CNKSR2: variants seen among roughly 807,000 people sequenced by gnomAD.
CNKSR2 encodes the protein connector enhancer of kinase suppressor of Ras 2.
Under a neutral mutation model 84.4 loss-of-function variants are expected in CNKSR2, and 14 were observed. The observed-to-expected ratio is 0.17, with a 90% CI of 0.11 to 0.26. The LOEUF (loss-of-function observed/expected upper bound fraction) is 0.26. CNKSR2 is among the 10% of genes least tolerant of loss of function. CNKSR2 has a pLI of 1.00. For missense variants in CNKSR2, 485 were observed against 771.2 expected (o/e 0.63, Z 4.40); for synonymous variants, 275 against 277.9 (o/e 0.99, Z 0.10).
intron 5 of CNKSR2, 97 bp from the exon 6 acceptor site, chrX:21,490,362 G>A: frequency 1.1e-6 from 1 of 877,677 alleles, no homozygotes. Flanking sequence ...TTCTTCTACT[G>A]TTTATTTTTC....
chrX:21,466,291 A>G (rs763273696), intron 4 of CNKSR2, among the ~76,000 whole-genome samples: 1 of 111,487 alleles, frequency 9.0e-6, no homozygotes, highest in African/African-American at 3.3e-5. Flanking sequence ...TCCATATGCA[A>G]TGCTATTTTC....
chrX:21,466,826 C>T (rs542721065), intron 4 of CNKSR2, among the ~76,000 whole-genome samples: 1 of 111,373 alleles, frequency 9.0e-6, no homozygotes, highest in Non-Finnish European at 1.9e-5. Flanking sequence ...CTCAAGCGAT[C>T]CGCCCACCTA....
At chrX:21,623,586 C>T (rs1182697291) in intron 20 of CNKSR2, among the ~76,000 whole-genome samples, 1 of 111,647 alleles carries the variant, frequency 9.0e-6, no homozygotes, top group African/African-American at 3.3e-5. Context: ...ATATACCTCT[C>T]CCAACTGAAT....
intron 17 of CNKSR2, among the ~76,000 whole-genome samples, chrX:21,600,278 G>C (rs1457215022): frequency 8.9e-6 from 1 of 111,998 alleles, no homozygotes; most frequent in Admixed American, 9.5e-5. Flanking sequence ...TCACTTGACA[G>C]GGAAGATAAA....
chrX:21,569,709 T>C (rs1416621025), intron 13 of CNKSR2, among the ~76,000 whole-genome samples: 2 of 112,206 alleles, frequency 1.8e-5, no homozygotes, highest in Admixed American at 1.9e-4. Flanking sequence ...ATGGCAGCTA[T>C]AGCCTTACAA....
chrX:21,386,914 T>G (rs2089978103), intron 1 of CNKSR2, among the ~76,000 whole-genome samples: 1 of 112,255 alleles, frequency 8.9e-6, no homozygotes, highest in Non-Finnish European at 1.9e-5. Context: ...AAATTGCTCA[T>G]TATCCTTTAA....
chrX:21,642,404 T>A, intron 20 of CNKSR2: 1 of 752,725 alleles, frequency 1.3e-6, no homozygotes. Context: ...AGGCTGTGGG[T>A]TTCATTTTTG....
At chrX:21,614,978 A>G (rs1019693002) in intron 20 of CNKSR2, among the ~76,000 whole-genome samples, 5 of 112,134 alleles carry the variant, frequency 4.5e-5, no homozygotes, top group Non-Finnish European at 9.4e-5. Context: ...GCAGACTTAT[A>G]CCCAGATTTC....
At chrX:21,651,647 C>T (rs2092721151) in intron 21 of CNKSR2, among the ~76,000 whole-genome samples, 1 of 111,697 alleles carries the variant, frequency 9.0e-6, no homozygotes, top group Non-Finnish European at 1.9e-5. Context: ...CCACCTTCCA[C>T]CTGGGAAATT....
chrX:21,385,775 C>T (rs1036716507), intron 1 of CNKSR2, among the ~76,000 whole-genome samples: 2 of 111,252 alleles, frequency 1.8e-5, no homozygotes, highest in African/African-American at 6.5e-5. Context: ...TGTGTATGTC[C>T]TCTCCATCAG....
At chrX:21,455,804 C>T (rs1313995759) in intron 4 of CNKSR2, among the ~76,000 whole-genome samples, 1 of 112,144 alleles carries the variant, frequency 8.9e-6, no homozygotes, top group African/African-American at 3.2e-5. Flanking sequence ...AATTCATATT[C>T]TAGTAAGAAC....
chrX:21,409,919 A>G (rs1352475941), intron 1 of CNKSR2, among the ~76,000 whole-genome samples: 1 of 111,176 alleles, frequency 9.0e-6, no homozygotes, highest in Admixed American at 9.6e-5. Context: ...TTGTCTATAG[A>G]TGTCTGAGAA....
At chrX:21,636,824 CACCCATTAA>C (rs1016371783) in intron 20 of CNKSR2, among the ~76,000 whole-genome samples, 2 of 110,516 alleles carry the variant, frequency 1.8e-5, no homozygotes, top group African/African-American at 6.6e-5. Context: ...CACCCATAGG[CACCCATTAA>C]ACCTTTACTG....
intron 11 of CNKSR2, among the ~76,000 whole-genome samples, chrX:21,544,647 A>G (rs2092005832): frequency 9.0e-6 from 1 of 111,639 alleles, no homozygotes; most frequent in Admixed American, 9.4e-5. Flanking sequence ...AGAGGGATCA[A>G]TGCAGAAGGT....
intron 2 of CNKSR2, chrX:21,427,228 A>G (rs2090577432): frequency 8.9e-6 from 1 of 112,001 alleles, no homozygotes; most frequent in Non-Finnish European, 1.9e-5. Context: ...TCATTATGTG[A>G]TTGAGCTCTT....
At position 21,374,662 on chromosome X, in the gene CNKSR2, A is replaced by C. The variant is rs1187915184; in HGVS notation, c.-236A>C. The C allele has an allele frequency of 3.9e-6, 2 of 513,524 alleles. No individual in the cohort carries two copies. The highest frequency in any genetic ancestry group is 6.9e-6 in the Non-Finnish European group (2 of 289,856). 42.3% of individuals were successfully genotyped at this position (513,524 alleles called of 1,213,427 possible). A position where few individuals can be genotyped will look rare whatever the true frequency, so the allele number is the denominator to read the frequency against. ...GCCGCCGCCGCCTTAGCGGGAACTGAGCAGACCCGGCGCGGAGCCACGACT... is the reference window on the plus strand; with the variant it reads ...GCCGCCGCCGCCTTAGCGGGAACTGCGCAGACCCGGCGCGGAGCCACGACT... On this transcript the variant is annotated 5_prime_UTR_variant, in exon 1 of 22. Transcript: ENST00000379510.
chrX:21,428,072 T>A (rs1034106199), intron 2 of CNKSR2: 1 of 112,255 alleles, frequency 8.9e-6, no homozygotes, highest in African/African-American at 3.2e-5. Flanking sequence ...ACTTAACACC[T>A]TGTATTACAA....
In CNKSR2 at chrX:21,442,933, T is replaced by C. The variant is rs1341095365; in HGVS notation, c.519+2152T>C. Among the ~76,000 whole-genome samples the C allele has an allele frequency of 3.8e-4, 42 of 110,657 alleles. 1 individual carries two copies. The Admixed American group carries it at 4.1e-3, about 11-fold the overall frequency. ...ACCAAATACCATATCTTCTCACTTA[T>C]AAGTGGGAGCTAAACATTGAGTACA... On this transcript the variant is annotated intron_variant, in intron 4 of 21. Transcript: ENST00000379510.
intron 11 of CNKSR2, among the ~76,000 whole-genome samples, chrX:21,532,625 G>T (rs773594564): frequency 1.5e-4 from 17 of 110,839 alleles, no homozygotes; most frequent in African/African-American, 5.2e-4. Context: ...GAGTTATGAT[G>T]GGCACAGGAT....
Sources: gnomAD v4.1 joint callset for allele counts (sites outside exome capture counted in the v4.1 genomes callset) on GRCh38, gnomAD v4.1.1 for gene constraint, MANE v1.5 for transcripts, NCBI Gene and HGNC (gene_info 2026-07-23, HGNC 2026-07-21) for gene names.